The following PTPN11 variants were observed in gnomAD, a reference collection of about 807,000 sequenced individuals.
The protein encoded by PTPN11 is protein tyrosine phosphatase non-receptor type 11.
A neutral mutation model predicts 78.8 loss-of-function variants in PTPN11; 6 were observed. That is an observed-to-expected ratio of 0.08 (90% CI 0.04 to 0.15). The LOEUF is 0.15. PTPN11 is among the 10% of genes least tolerant of loss of function. The probability of loss-of-function intolerance (pLI) is 1.00; values close to 1 mark genes in which losing one functional copy is unlikely to be tolerated. For missense variants in PTPN11, 386 were observed against 744.8 expected (o/e 0.52, Z 5.61); for synonymous variants, 221 against 263.5 (o/e 0.84, Z 1.56).
intron 1 of PTPN11, among the ~76,000 whole-genome samples, chr12:112,442,877 T>TATATATATAA (rs1415088606): frequency 1.6e-4 from 11 of 70,128 alleles, no homozygotes; most frequent in African/African-American, 7.2e-4. Context: ...TATATATATA[T>TATATATATAA]AAATTATATA....
intron 12 of PTPN11, 132 bp downstream of exon 12, chr12:112,488,642 C>T: frequency 2.2e-6 from 2 of 928,428 alleles, no homozygotes; most frequent in South Asian, 2.7e-5. Flanking sequence ...CTGAAGACTT[C>T]AGTGTGTCTG....
intron 1 of PTPN11, among the ~76,000 whole-genome samples, chr12:112,445,618 T>G (rs1316228733): frequency 6.6e-6 from 1 of 152,100 alleles, no homozygotes; most frequent in Non-Finnish European, 1.5e-5. Flanking sequence ...ACATGGTAAC[T>G]TATTTATTAA....
intron 5 of PTPN11, among the ~76,000 whole-genome samples, chr12:112,455,606 T>G (rs1205675068): frequency 6.6e-6 from 1 of 152,198 alleles, no homozygotes; most frequent in African/African-American, 2.4e-5. Context: ...GTAACCTCAC[T>G]TATTCACTTT....
At chr12:112,421,149 C>T (rs1332276701) in intron 1 of PTPN11, among the ~76,000 whole-genome samples, 2 of 152,136 alleles carry the variant, frequency 1.3e-5, no homozygotes, top group African/African-American at 2.4e-5. Context: ...TTATGCACCA[C>T]CCAAAAAGCC....
intron 1 of PTPN11, among the ~76,000 whole-genome samples, chr12:112,429,913 A>G (rs2037684564): frequency 6.6e-6 from 1 of 152,232 alleles, no homozygotes; most frequent in Admixed American, 6.5e-5. Context: ...GTAATGGTGA[A>G]AAGTTTGATT....
rs143238917 is a variant in PTPN11, at chr12:112,489,025, T to G, written c.1449T>G (p.Gly483=). The change falls in exon 13 of 16, where the codon GGT becomes GGG. Residue 483 remains glycine, a splice_region_variant and synonymous_variant. Coordinates refer to ENST00000351677, the MANE Select transcript of PTPN11 (RefSeq NM_002834.5). ...TTCTTCATGATGTTTCCTTCGTAGG[T>G]GTTGACTGCGATATTGACGTTCCCA... is the stretch of plus-strand genomic sequence containing the variant. ...DILIDIIREK[G]VDCDIDVPKT... 181 of 1,613,286 alleles carry G rather than the reference T, an allele frequency of 1.1e-4. No individual in the cohort carries two copies. Among genetic ancestry groups the G allele is most frequent in the Non-Finnish European group, 1.5e-4 (176 of 1,179,962 alleles).
At chr12:112,432,365 G>C (rs2037726040) in intron 1 of PTPN11, among the ~76,000 whole-genome samples, 1 of 152,138 alleles carries the variant, frequency 6.6e-6, no homozygotes, top group African/African-American at 2.4e-5. Context: ...CATAATGGTG[G>C]TCCCATAAGA....
rs2038975688 is a variant in PTPN11, at chr12:112,509,505, C to T, written c.*3713C>T. 1 of 152,612 alleles carries T rather than the reference C, an allele frequency of 6.6e-6. No homozygotes were observed. Among genetic ancestry groups the T allele is most frequent in the South Asian group, 2.1e-4 (1 of 4,820 alleles). The allele number at this position is 152,612 out of a possible 1,614,324, so 9.5% of individuals were successfully genotyped here. On this transcript the variant is annotated 3_prime_UTR_variant, in exon 16 of 16. Coordinates refer to ENST00000351677, the MANE Select transcript of PTPN11 (RefSeq NM_002834.5). ...GATGACTAGACCTACAATTAATTTT[C>T]CTGCAGTATATGAAGTATTGTACCA... is the stretch of plus-strand genomic sequence containing the variant.
intron 2 of PTPN11, among the ~76,000 whole-genome samples, chr12:112,449,934 G>A (rs566796259): frequency 1.3e-5 from 2 of 152,066 alleles, no homozygotes; most frequent in Non-Finnish European, 2.9e-5. Flanking sequence ...GCGTGGTGGC[G>A]CATTCCTGTA....
At chr12:112,496,714 T>A (rs2038818471) in intron 13 of PTPN11, among the ~76,000 whole-genome samples, 1 of 152,188 alleles carries the variant, frequency 6.6e-6, no homozygotes, top group African/African-American at 2.4e-5. Context: ...TCAACCCTGG[T>A]ATAGGTGTAA....
intron 7 of PTPN11, 91 bp downstream of exon 7, chr12:112,473,131 G>C (rs1156242687): frequency 2.8e-6 from 3 of 1,071,828 alleles, no homozygotes; most frequent in African/African-American, 3.1e-5. Flanking sequence ...GTGTGCTCTT[G>C]TTAGCACATC....
intron 6 of PTPN11, among the ~76,000 whole-genome samples, chr12:112,466,824 T>C (rs912719245): frequency 6.6e-6 from 1 of 152,232 alleles, no homozygotes; most frequent in Non-Finnish European, 1.5e-5. Flanking sequence ...CTCAGAGCAG[T>C]GCAGGCGAAA....
intron 4 of PTPN11, 76 bp from the exon 5 acceptor site, chr12:112,454,488 G>A: frequency 1.9e-6 from 2 of 1,054,256 alleles, no homozygotes; most frequent in Non-Finnish European, 3.0e-6. Context: ...ATGCTGCAGT[G>A]AACATGAGAG....
chr12:112,479,532 C>G (rs1272411605), intron 9 of PTPN11, among the ~76,000 whole-genome samples: 1 of 152,130 alleles, frequency 6.6e-6, no homozygotes, highest in Non-Finnish European at 1.5e-5. Context: ...TTCTGGTCAT[C>G]GTGAAACAAA....
chr12:112,458,917 C>T (rs2135876340), intron 6 of PTPN11, among the ~76,000 whole-genome samples: 2 of 152,094 alleles, frequency 1.3e-5, no homozygotes, highest in South Asian at 4.2e-4. Context: ...CCCACAGTCC[C>T]AGCTACTCTG....
Position 112,499,206 on chromosome 12 carries a change from T to C in PTPN11, c.1600-2938T>C, listed in dbSNP as rs142714146. ...ATCTCATGTCATGTGTTTTTAAAAA[T>C]TGCTTTTAAAAAAAGTATCGAGTAA... On this transcript the variant is annotated intron_variant, in intron 13 of 15. Coordinates refer to ENST00000351677, the MANE Select transcript of PTPN11 (RefSeq NM_002834.5). Among the ~76,000 whole-genome samples the C allele has an allele frequency of 1.1e-4, 17 of 149,194 alleles. No homozygotes were observed. The East Asian group carries it at 2.8e-3, about 25-fold the overall frequency.
At chr12:112,471,855 C>A (rs1203385310) in intron 6 of PTPN11, among the ~76,000 whole-genome samples, 1 of 151,744 alleles carries the variant, frequency 6.6e-6, no homozygotes. Context: ...TGGGTTCAAG[C>A]GATTCTCGTG....
At chr12:112,456,419 G>A (rs1457978733) in intron 6 of PTPN11, among the ~76,000 whole-genome samples, 5 of 150,482 alleles carry the variant, frequency 3.3e-5, no homozygotes, top group African/African-American at 1.2e-4. Flanking sequence ...CCTTAGTGCA[G>A]CAAATGAGTA....
chr12:112,501,393 A>G (rs2038872874), intron 13 of PTPN11, among the ~76,000 whole-genome samples: 1 of 152,166 alleles, frequency 6.6e-6, no homozygotes, highest in Non-Finnish European at 1.5e-5. Context: ...AGGCTGAGGC[A>G]GGTGGATCAT....
Sources: gnomAD v4.1 joint callset for allele counts (sites outside exome capture counted in the v4.1 genomes callset) on GRCh38, gnomAD v4.1.1 for gene constraint, MANE v1.5 for transcripts, NCBI Gene and HGNC (gene_info 2026-07-23, HGNC 2026-07-21) for gene names.